The following EYS variants were observed in gnomAD, a reference collection of about 807,000 sequenced individuals.
EYS encodes the protein protein eyes shut homolog.
A neutral mutation model predicts 282.1 loss-of-function variants in EYS; 250 were observed. That is an observed-to-expected ratio of 0.89 (90% confidence interval 0.80 to 0.98). The LOEUF is 0.98. EYS is among the 50% of genes least tolerant of loss of function. The pLI is 0.00. For missense variants in EYS, 4,016 were observed against 3,709.0 expected, an observed-to-expected ratio of 1.08 and a Z score of -2.15; for synonymous variants, 1,355 against 1,282.9, an observed-to-expected ratio of 1.06 and a Z score of -1.20.
At chr6:64,585,587 A>G (rs553570311) in intron 26 of EYS, among the ~76,000 whole-genome samples, 13 of 152,156 alleles carry the variant, frequency 8.5e-5, no homozygotes, top group Non-Finnish European at 1.3e-4. Context: ...AAAACAATGC[A>G]TCAACAGAAT....
intron 35 of EYS, among the ~76,000 whole-genome samples, chr6:63,976,810 G>A (rs1213841946): frequency 1.3e-5 from 2 of 151,820 alleles, no homozygotes; most frequent in African/African-American, 4.8e-5. Context: ...ATTGTAGAGG[G>A]GAGTTTAGAT....
chr6:64,848,518 G>A (rs916305511), intron 19 of EYS, among the ~76,000 whole-genome samples: 20 of 152,146 alleles, frequency 1.3e-4, no homozygotes, highest in African/African-American at 4.8e-4. Flanking sequence ...TGAACAGAGA[G>A]ACTGATAACG....
chr6:65,128,358 G>A (rs1316896410), intron 12 of EYS, among the ~76,000 whole-genome samples: 3 of 151,762 alleles, frequency 2.0e-5, no homozygotes, highest in African/African-American at 4.8e-5. Flanking sequence ...TTAATAAAAG[G>A]CATCACAATA....
intron 1 of EYS, among the ~76,000 whole-genome samples, chr6:65,647,421 C>A (rs1767490309): frequency 6.6e-6 from 1 of 152,088 alleles, no homozygotes; most frequent in African/African-American, 2.4e-5. Flanking sequence ...GGGGAAAGGA[C>A]AAACTATTCT....
At chr6:64,399,623 T>C (rs1773482925) in intron 28 of EYS, among the ~76,000 whole-genome samples, 1 of 151,962 alleles carries the variant, frequency 6.6e-6, no homozygotes, top group Non-Finnish European at 1.5e-5. Context: ...GCTGGCCTGC[T>C]CTGCAAACTT....
chr6:63,817,956 T>C (rs1385421518), intron 36 of EYS, among the ~76,000 whole-genome samples: 1 of 152,170 alleles, frequency 6.6e-6, no homozygotes, highest in East Asian at 1.9e-4. Flanking sequence ...GGCTTCTCAC[T>C]GTGTGTGTGC....
chr6:64,097,924 A>G (rs1158227207), intron 31 of EYS, among the ~76,000 whole-genome samples: 1 of 152,258 alleles, frequency 6.6e-6, no homozygotes, highest in Non-Finnish European at 1.5e-5. Flanking sequence ...GAAATGTGTT[A>G]AAGAATACCT....
intron 1 of EYS, among the ~76,000 whole-genome samples, chr6:65,662,380 G>A (rs1397362984): frequency 6.6e-6 from 1 of 152,086 alleles, no homozygotes; most frequent in Admixed American, 6.5e-5. Flanking sequence ...TTAAGGATGA[G>A]CTTGATATAT....
intron 12 of EYS, among the ~76,000 whole-genome samples, chr6:65,152,297 T>C (rs1412372841): frequency 1.3e-5 from 2 of 151,980 alleles, no homozygotes; most frequent in Non-Finnish European, 2.9e-5. Context: ...CCTAGTGTTA[T>C]GAGAGGAATT....
chr6:64,586,800 A>T (rs1400212627), intron 26 of EYS, among the ~76,000 whole-genome samples: 1 of 152,038 alleles, frequency 6.6e-6, no homozygotes, highest in Non-Finnish European at 1.5e-5. Flanking sequence ...AATAAACATA[A>T]CTCAAACACT....
At chr6:65,650,970 G>C (rs1211202400) in intron 1 of EYS, among the ~76,000 whole-genome samples, 3 of 152,064 alleles carry the variant, frequency 2.0e-5, no homozygotes. Context: ...AGAGAGTTGA[G>C]CTGCAAGAAA....
chr6:65,605,899 G>A (rs1765771042), intron 2 of EYS, among the ~76,000 whole-genome samples: 1 of 151,500 alleles, frequency 6.6e-6, no homozygotes, highest in African/African-American at 2.4e-5. Flanking sequence ...GCTATCTCTG[G>A]AAATGCTATA....
Position 64,639,453 on chromosome 6 carries a change from C to G in EYS, c.3444-13208G>C, listed in dbSNP as rs1325975114. Reference sequence around the variant, plus strand: ...TTTTTCCCATTTCTTAATATACAAACCTTGAAACATTCTATAAATTAAAAA... The same window carrying G: ...TTTTTCCCATTTCTTAATATACAAAGCTTGAAACATTCTATAAATTAAAAA... On this transcript the variant is annotated intron_variant, in intron 22 of 42. Transcript: ENST00000503581. Among the ~76,000 whole-genome samples, 2 of 90,810 alleles carry G rather than the reference C, an allele frequency of 2.2e-5. 1 individual carries two copies. Among genetic ancestry groups the G allele is most frequent in the Non-Finnish European group, 4.7e-5 (2 of 42,188 alleles). The allele number at this position is 90,810 out of a possible 152,430, so 59.6% of individuals were successfully genotyped here.
At chr6:65,445,281 A>G (rs947205630) in intron 5 of EYS, among the ~76,000 whole-genome samples, 28 of 151,850 alleles carry the variant, frequency 1.8e-4, no homozygotes, top group African/African-American at 6.8e-4. Context: ...AATCCTGTGT[A>G]CTGATCACAT....
chr6:64,275,805 A>T (rs1263620051), intron 30 of EYS, among the ~76,000 whole-genome samples: 1 of 70,528 alleles, frequency 1.4e-5, no homozygotes, highest in African/African-American at 6.8e-5. Flanking sequence ...AAAATAAAAT[A>T]AAATAAAAAA....
chr6:64,308,647 T>C (rs1006620630), intron 29 of EYS, among the ~76,000 whole-genome samples: 28 of 152,064 alleles, frequency 1.8e-4, no homozygotes, highest in Non-Finnish European at 3.4e-4. Flanking sequence ...GAATATATTA[T>C]AAATAATAGA....
At chr6:64,262,703 G>A (rs887125432) in intron 30 of EYS, among the ~76,000 whole-genome samples, 2 of 151,918 alleles carry the variant, frequency 1.3e-5, no homozygotes, top group Non-Finnish European at 2.9e-5. Context: ...TTATCTTAAA[G>A]GTAAGCTCTT....
intron 13 of EYS, among the ~76,000 whole-genome samples, chr6:65,034,274 T>C (rs1371959353): frequency 6.6e-6 from 1 of 152,206 alleles, no homozygotes; most frequent in Non-Finnish European, 1.5e-5. Flanking sequence ...CTTTGTACTT[T>C]GAGTTAATGA....
intron 18 of EYS, among the ~76,000 whole-genome samples, chr6:64,892,102 G>T (rs1284634632): frequency 6.6e-6 from 1 of 151,680 alleles, no homozygotes; most frequent in East Asian, 1.9e-4. Context: ...ACTATAATTT[G>T]CATAAAATGA....
Sources: gnomAD v4.1 joint callset for allele counts (sites outside exome capture counted in the v4.1 genomes callset) on GRCh38, gnomAD v4.1.1 for gene constraint, MANE v1.5 for transcripts, NCBI Gene and HGNC (gene_info 2026-07-23, HGNC 2026-07-21) for gene names.